Variants in GNB4 observed in about 807,000 individuals in gnomAD.
GNB4 encodes G protein subunit beta 4.
Under a neutral mutation model 45.2 loss-of-function variants are expected in GNB4, and 28 were observed. The observed-to-expected ratio is 0.62, with a 90% CI of 0.46 to 0.85. The LOEUF (loss-of-function observed/expected upper bound fraction) is 0.85. Among genes scored for constraint, GNB4 ranks in the 40% least tolerant of loss-of-function variants. The pLI is 0.00. For synonymous variants in GNB4, 132 were observed against 143.7 expected, an observed-to-expected ratio of 0.92 and a Z score of 0.58; for missense variants, 321 against 425.4, an observed-to-expected ratio of 0.75 and a Z score of 2.16.
At chr3:179,436,795 T>A (rs1482779487) in intron 1 of GNB4, among the ~76,000 whole-genome samples, 1 of 152,242 alleles carries the variant, frequency 6.6e-6, no homozygotes, top group East Asian at 1.9e-4. Flanking sequence ...TGGTTTTTTA[T>A]CTTGTTTTTT....
chr3:179,477,504 C>A, the GNB4 span, among the ~76,000 whole-genome samples: 4 of 152,148 alleles, frequency 2.6e-5, no homozygotes, highest in African/African-American at 9.7e-5. Flanking sequence ...ATATCTTGCT[C>A]CTCATTTTCA....
intron 1 of GNB4, among the ~76,000 whole-genome samples, chr3:179,443,685 T>G (rs181173880): frequency 9.2e-5 from 14 of 152,338 alleles, no homozygotes; most frequent in East Asian, 3.9e-4. Context: ...AACAAGCAAG[T>G]GTACTTATGG....
At chr3:179,443,729 C>G (rs1349269782) in intron 1 of GNB4, among the ~76,000 whole-genome samples, 1 of 152,148 alleles carries the variant, frequency 6.6e-6, no homozygotes, top group Non-Finnish European at 1.5e-5. Context: ...ATATCCATCT[C>G]TGCTACCTCA....
chr3:179,494,554 G>C, the GNB4 span, among the ~76,000 whole-genome samples: 1 of 150,758 alleles, frequency 6.6e-6, no homozygotes, highest in Non-Finnish European at 1.5e-5. Context: ...GAAAGAGAGA[G>C]AGAGAAAGGA....
chr3:179,513,435 T>C, the GNB4 span, among the ~76,000 whole-genome samples: 1 of 152,138 alleles, frequency 6.6e-6, no homozygotes, highest in East Asian at 1.9e-4. Flanking sequence ...CCTCTTGCCT[T>C]GGCTTCCCAG....
At chr3:179,507,451 GAA>G in the GNB4 span, among the ~76,000 whole-genome samples, 1 of 152,202 alleles carries the variant, frequency 6.6e-6, no homozygotes, top group Non-Finnish European at 1.5e-5. Flanking sequence ...GAAAAGAAAA[GAA>G]AGGCTTGTAG....
the GNB4 span, among the ~76,000 whole-genome samples, chr3:179,525,191 C>T: frequency 2.6e-5 from 4 of 152,214 alleles, no homozygotes; most frequent in East Asian, 1.9e-4. Flanking sequence ...CAGACCCATT[C>T]GCCCATTTTT....
At chr3:179,430,955 TTGC>T (rs1715294315) in intron 1 of GNB4, among the ~76,000 whole-genome samples, 1 of 152,206 alleles carries the variant, frequency 6.6e-6, no homozygotes, top group African/African-American at 2.4e-5. Flanking sequence ...TCTTTTGTTT[TTGC>T]TGAAGTATTT....
chr3:179,451,128 A>T (rs1715861467), intron 1 of GNB4: 1 of 152,068 alleles, frequency 6.6e-6, no homozygotes, highest in Non-Finnish European at 1.5e-5. Context: ...TCGTGGGGCC[A>T]GTTCCCGCGT....
chr3:179,502,927 A>G, the GNB4 span, among the ~76,000 whole-genome samples: 2 of 152,184 alleles, frequency 1.3e-5, no homozygotes, highest in African/African-American at 4.8e-5. Flanking sequence ...GTAACCTCAA[A>G]CCCCTGGGTT....
At chr3:179,445,374 T>C (rs559749338) in intron 1 of GNB4, among the ~76,000 whole-genome samples, 1 of 152,294 alleles carries the variant, frequency 6.6e-6, no homozygotes, top group Admixed American at 6.5e-5. Context: ...AACCTCTGCC[T>C]CTTGCGCTCA....
At chr3:179,483,634 CA>C in the GNB4 span, among the ~76,000 whole-genome samples, 35 of 151,972 alleles carry the variant, frequency 2.3e-4, no homozygotes, top group East Asian at 6.4e-3. Context: ...TCACAAAAGG[CA>C]AAAAAATCTG....
the GNB4 span, among the ~76,000 whole-genome samples, chr3:179,490,865 G>A: frequency 2.1e-4 from 32 of 152,176 alleles, no homozygotes; most frequent in Non-Finnish European, 4.4e-4. Flanking sequence ...ACTTCTCTAG[G>A]TATCCCTTAA....
Position 179,401,335 on chromosome 3 carries a change from AG to A in GNB4, c.917-17del, listed in dbSNP as rs1714293558. ...GCAAGGACACCTGAAAAAAAAATTC[AG>A]TAAAAAATTGGCAATTGTAGGGTTT... On this transcript the variant is annotated splice_polypyrimidine_tract_variant and intron_variant, in intron 9 of 9. Coordinates refer to ENST00000232564, the MANE Select transcript of GNB4 (RefSeq NM_021629.4). 1.3e-6 allele frequency: 2 copies of A among 1,592,242 alleles called. No homozygotes were observed. The highest frequency in any genetic ancestry group is 4.5e-5 in the East Asian group (2 of 44,634).
rs78000506 is a variant in GNB4, at chr3:179,421,196, A to G, written c.58-269T>C. ...TACATCACCCCAAAAAAGAAACCCC[A>G]TATCTCCTAATTCCTTTTTCTCTCA... On this transcript the variant is annotated intron_variant, in intron 2 of 9. Transcript: ENST00000232564. Among the ~76,000 whole-genome samples, 27,841 of 152,042 alleles carry G rather than the reference A, an allele frequency of 0.18. 2,625 individuals carry two copies. The highest frequency in any genetic ancestry group is 0.23 in the Admixed American group (3,582 of 15,286).
At chr3:179,460,512 AG>A in the GNB4 span, among the ~76,000 whole-genome samples, 3 of 152,214 alleles carry the variant, frequency 2.0e-5, no homozygotes, top group Non-Finnish European at 4.4e-5. Flanking sequence ...AAGAAAAAAA[AG>A]TTTGTCATCT....
chr3:179,488,576 T>C, the GNB4 span, among the ~76,000 whole-genome samples: 1 of 152,294 alleles, frequency 6.6e-6, no homozygotes, highest in South Asian at 2.1e-4. Flanking sequence ...CTGTGTGATT[T>C]TGAAGTTGAC....
chr3:179,519,622 C>T, the GNB4 span, among the ~76,000 whole-genome samples: 29 of 152,214 alleles, frequency 1.9e-4, no homozygotes, highest in African/African-American at 4.1e-4. Context: ...CTTATTAGGC[C>T]GAGACATTTT....
At chr3:179,423,786 TAAA>T (rs35300847) in intron 2 of GNB4, among the ~76,000 whole-genome samples, 2 of 145,276 alleles carry the variant, frequency 1.4e-5, no homozygotes, top group Non-Finnish European at 3.0e-5. Context: ...CACTCTGATT[TAAA>T]AAAAAAAAAA....
Sources: gnomAD v4.1 joint callset for allele counts (sites outside exome capture counted in the v4.1 genomes callset) on GRCh38, gnomAD v4.1.1 for gene constraint, MANE v1.5 for transcripts, NCBI Gene and HGNC (gene_info 2026-07-23, HGNC 2026-07-21) for gene names.